The following CSTF3 variants were observed in gnomAD, a reference collection of about 807,000 sequenced individuals.
CSTF3 encodes the protein cleavage stimulation factor subunit 3, also known as CF-1 77 kDa subunit.
In CSTF3, 29 loss-of-function variants were observed where a neutral mutation model predicts 105.8. That is an observed-to-expected ratio of 0.27 (90% CI 0.20 to 0.37). The LOEUF (loss-of-function observed/expected upper bound fraction) is 0.37, where lower values mean the gene tolerates loss of function less well. Ranked by LOEUF, CSTF3 falls within the 10% of genes least tolerant of loss-of-function variation. CSTF3 has a pLI of 1.00. For missense variants in CSTF3, 357 were observed against 879.3 expected, an observed-to-expected ratio of 0.41 and a Z score of 7.51; for synonymous variants, 252 against 281.9, an observed-to-expected ratio of 0.89 and a Z score of 1.06.
chr11:33,103,282 T>C (rs2133776230), intron 8 of CSTF3, 98 bp from the exon 9 acceptor site: 1 of 552,304 alleles, frequency 1.8e-6, no homozygotes, highest in Middle Eastern at 4.9e-4. Flanking sequence ...TTTAAATTTT[T>C]ATTTTAAAAG....
intron 3 of CSTF3, among the ~76,000 whole-genome samples, chr11:33,122,914 C>CAAAAA (rs10600978): frequency 2.8e-3 from 233 of 82,674 alleles, no homozygotes; most frequent in East Asian, 3.3e-3. Context: ...TATCCTGTCT[C>CAAAAA]AAAAAAAAAA....
chr11:33,090,877 G>T, intron 16 of CSTF3, 150 bp from the exon 17 acceptor site: 1 of 502,906 alleles, frequency 2.0e-6, no homozygotes, highest in South Asian at 4.3e-5. Flanking sequence ...TAGAAAAATA[G>T]AATAGTATAA....
At chr11:33,092,597 A>G (rs1365116408) in intron 15 of CSTF3, among the ~76,000 whole-genome samples, 1 of 152,186 alleles carries the variant, frequency 6.6e-6, no homozygotes, top group Non-Finnish European at 1.5e-5. Context: ...CTCCTCTACT[A>G]TACTGCAGTT....
At chr11:33,130,850 A>C (rs980931900) in intron 3 of CSTF3, among the ~76,000 whole-genome samples, 3 of 152,136 alleles carry the variant, frequency 2.0e-5, no homozygotes, top group South Asian at 2.1e-4. Flanking sequence ...ACCAAAAACA[A>C]CAACCAACCA....
chr11:33,134,199 TAA>T (rs1178544794), intron 3 of CSTF3, among the ~76,000 whole-genome samples: 1 of 152,218 alleles, frequency 6.6e-6, no homozygotes, highest in African/African-American at 2.4e-5. Flanking sequence ...AATTTCAAAA[TAA>T]AGTTACAAAT....
intron 13 of CSTF3, among the ~76,000 whole-genome samples, chr11:33,097,538 T>C (rs1855235863): frequency 6.6e-6 from 1 of 152,130 alleles, no homozygotes; most frequent in Admixed American, 6.5e-5. Context: ...CCCGGCTAAT[T>C]TTTGTTTTTT....
intron 16 of CSTF3, among the ~76,000 whole-genome samples, chr11:33,091,895 T>G (rs1357488402): frequency 6.6e-6 from 1 of 152,122 alleles, no homozygotes; most frequent in Non-Finnish European, 1.5e-5. Context: ...TAACATTTTT[T>G]GTATAGATTG....
At chr11:33,149,871 T>C (rs1855834979) in intron 1 of CSTF3, among the ~76,000 whole-genome samples, 1 of 152,030 alleles carries the variant, frequency 6.6e-6, no homozygotes, top group Admixed American at 6.5e-5. Context: ...ATACAAAAAT[T>C]AGCTGGGCAT....
chr11:33,128,341 G>A (rs1029873983), intron 3 of CSTF3, among the ~76,000 whole-genome samples: 3 of 150,744 alleles, frequency 2.0e-5, no homozygotes, highest in African/African-American at 4.9e-5. Context: ...TACTCAAATA[G>A]AAACTAAAAA....
At chr11:33,153,568 G>A (rs1590290061) in intron 1 of CSTF3, among the ~76,000 whole-genome samples, 2 of 151,964 alleles carry the variant, frequency 1.3e-5, no homozygotes, top group South Asian at 2.1e-4. Context: ...AGGCCAGGAC[G>A]TTGAGGCTGT....
At chr11:33,158,885 T>C (rs1849900103) in intron 1 of CSTF3, among the ~76,000 whole-genome samples, 3 of 152,130 alleles carry the variant, frequency 2.0e-5, no homozygotes, top group Non-Finnish European at 2.9e-5. Flanking sequence ...TTAAGTGTCC[T>C]TGACACTTCG....
At chr11:33,151,791 A>AG (rs1849784980) in intron 1 of CSTF3, among the ~76,000 whole-genome samples, 1 of 152,196 alleles carries the variant, frequency 6.6e-6, no homozygotes, top group African/African-American at 2.4e-5. Flanking sequence ...CAGACTTTAA[A>AG]GGGGCTGTAC....
At chr11:33,158,314 T>C (rs1849891784) in intron 1 of CSTF3, among the ~76,000 whole-genome samples, 1 of 152,160 alleles carries the variant, frequency 6.6e-6, no homozygotes, top group African/African-American at 2.4e-5. Context: ...AAGTTGAGTG[T>C]GCAAAAGAAA....
chr11:33,131,055 TATAAATTTCTTAAAATCCAAAATTACAA>T (rs1855593816), intron 3 of CSTF3, among the ~76,000 whole-genome samples: 1 of 152,184 alleles, frequency 6.6e-6, no homozygotes, highest in African/African-American at 2.4e-5. Context: ...TACATGCTCT[TATAAATTTCTTAAAATCCAAAATTACAA>T]AGATTTGCCC....
Position 33,085,140 on chromosome 11 carries a change from C to A in CSTF3, c.2101G>T (p.Val701Phe), listed in dbSNP as rs1855090869. ...CTGTAAATGTCATGAACAGGGGGGA[C>A]AACGGCTCCCTTTTCTTCATCTTCA... ...SDEDEEKGAV[V>F]PPVHDIYRAR... The change falls in exon 21 of 21, where the codon GTC (valine) becomes TTC (phenylalanine). Residue 701 changes from valine (V) to phenylalanine (F), a missense_variant. This residue lies in a region of CSTF3 where 73 missense variants were observed against 105.8 expected (regional missense o/e 0.69). Transcript: ENST00000323959. 1 of 1,614,042 alleles carries A rather than the reference C, an allele frequency of 6.2e-7. No homozygotes were observed. The highest frequency in any genetic ancestry group is 1.3e-5 in the African/African-American group (1 of 74,918).
chr11:33,132,232 T>C (rs1399331952), intron 3 of CSTF3, among the ~76,000 whole-genome samples: 2 of 152,182 alleles, frequency 1.3e-5, no homozygotes, highest in African/African-American at 4.8e-5. Flanking sequence ...AATGAAGACA[T>C]TTTTAAACAT....
At chr11:33,148,193 G>A (rs1383432219) in intron 1 of CSTF3, among the ~76,000 whole-genome samples, 1 of 152,080 alleles carries the variant, frequency 6.6e-6, no homozygotes, top group Admixed American at 6.5e-5. Flanking sequence ...ACAATAAGAC[G>A]TATACATGTC....
intron 1 of CSTF3, 115 bp from the exon 2 acceptor site, chr11:33,142,101 T>C (rs1565017558): frequency 4.7e-6 from 7 of 1,489,490 alleles, no homozygotes; most frequent in Non-Finnish European, 5.4e-6. Context: ...AGCATAAAAA[T>C]ATCCTCTTAT....
At chr11:33,132,710 C>T (rs958798400) in intron 3 of CSTF3, among the ~76,000 whole-genome samples, 8 of 152,108 alleles carry the variant, frequency 5.3e-5, no homozygotes, top group Admixed American at 1.3e-4. Flanking sequence ...CTTTAAAGTG[C>T]TAAGAATTTC....
Sources: gnomAD v4.1 joint callset for allele counts (sites outside exome capture counted in the v4.1 genomes callset) on GRCh38, gnomAD v4.1.1 for gene constraint, gnomAD v4.1.1 regional missense constraint, MANE v1.5 for transcripts, NCBI Gene and HGNC (gene_info 2026-07-23, HGNC 2026-07-21) for gene names.